HOMER2: variants seen among roughly 807,000 people sequenced by gnomAD.
HOMER2 encodes homer protein homolog 2.
Under a neutral mutation model 47.0 loss-of-function variants are expected in HOMER2, and 27 were observed. That is an observed-to-expected ratio of 0.57 (90% CI 0.42 to 0.79). The LOEUF (loss-of-function observed/expected upper bound fraction) is 0.79, where lower values mean the gene tolerates loss of function less well. Ranked by LOEUF, HOMER2 falls within the 30% of genes least tolerant of loss-of-function variation. HOMER2 has a pLI of 0.00. For missense variants in HOMER2, 443 were observed against 435.0 expected (o/e 1.02, Z -0.16); for synonymous variants, 161 against 163.8 (o/e 0.98, Z 0.13).
chr15:82,954,636 T>C (rs1470338662), upstream of HOMER2, among the ~76,000 whole-genome samples: 4 of 151,872 alleles, frequency 2.6e-5, no homozygotes, highest in African/African-American at 9.7e-5. Context: ...AAATATATTT[T>C]ACACTACAAC....
rs115093120 is a variant in HOMER2 at position 82,892,770 on chromosome 15, G to A, written c.77C>T (p.Pro26Leu). 60 of 1,607,214 alleles carry A rather than the reference G, an allele frequency of 3.7e-5. No individual in the cohort carries two copies. In the African/African-American group the frequency reaches 6.5e-4, roughly 18 times the overall value. The change falls in exon 2 of 9, where the codon CCT becomes CTT. Residue 26 changes from proline to leucine, a missense_variant. Physicochemically the swap from Pro to Leu is moderately conservative, Grantham distance 98. Coordinates refer to ENST00000450735, the MANE Select transcript of HOMER2 (RefSeq NM_004839.4). ...IDPNTKKNWM[P>L]ASKQAVTVSY... is the part of the protein sequence containing the mutation. The stretch of plus-strand genomic sequence containing the variant: ...AACGGTGACCGCCTGCTTGCTCGCA[G>A]GCATCCAGTTCTTCTTGGTGTTGGG...
At chr15:82,955,803 C>A (rs2054582159), upstream of HOMER2, among the ~76,000 whole-genome samples, 1 of 152,154 alleles carries the variant, frequency 6.6e-6, no homozygotes, top group Non-Finnish European at 1.5e-5. Flanking sequence ...AACAGACGTC[C>A]TTCTGTCATA....
At chr15:82,874,874 T>TAA (rs746787123) in intron 3 of HOMER2, among the ~76,000 whole-genome samples, 1 of 152,186 alleles carries the variant, frequency 6.6e-6, no homozygotes, top group Non-Finnish European at 1.5e-5. Flanking sequence ...AACCCTCCGA[T>TAA]AACTGTGCCC....
At chr15:82,837,696 A>C (rs1446422747) in exon 2 of HOMER2, 1 of 152,052 alleles carries the variant, frequency 6.6e-6, no homozygotes, top group African/African-American at 2.4e-5. Flanking sequence ...TGCCTATGAG[A>C]GCTCTGCCTT....
intron 1 of HOMER2, among the ~76,000 whole-genome samples, chr15:82,918,179 A>G (rs1350925989): frequency 3.3e-5 from 5 of 151,964 alleles, no homozygotes; most frequent in African/African-American, 4.8e-5. Context: ...CTAACGCTTG[A>G]CCCTAGGGAC....
chr15:82,953,659 G>A (rs2054551979), upstream of HOMER2, among the ~76,000 whole-genome samples: 1 of 152,172 alleles, frequency 6.6e-6, no homozygotes, highest in Non-Finnish European at 1.5e-5. Flanking sequence ...GAATCACGAG[G>A]TCTGGAGATC....
intron 6 of HOMER2, chr15:82,852,663 G>A (rs543969774): frequency 4.9e-5 from 8 of 163,082 alleles, no homozygotes; most frequent in Admixed American, 6.3e-5. Flanking sequence ...CTGTAATCAC[G>A]TCCTGCATTA....
At chr15:82,855,491 A>G (rs1040397217) in intron 5 of HOMER2, among the ~76,000 whole-genome samples, 4 of 152,132 alleles carry the variant, frequency 2.6e-5, no homozygotes, top group Admixed American at 2.0e-4. Flanking sequence ...ACCTTCAAGA[A>G]TCGTATGAAA....
chr15:82,950,407 C>A (rs1027095062), intron 1 of HOMER2, among the ~76,000 whole-genome samples: 1 of 152,066 alleles, frequency 6.6e-6, no homozygotes, highest in Non-Finnish European at 1.5e-5. Context: ...GTCTACACAG[C>A]AGAGCCATGA....
At chr15:82,850,211 C>T (rs1245607079) in intron 8 of HOMER2, among the ~76,000 whole-genome samples, 1 of 152,254 alleles carries the variant, frequency 6.6e-6, no homozygotes, top group Admixed American at 6.5e-5. Context: ...AGACCTCACA[C>T]AGGGCCCAGC....
At chr15:82,879,586 T>A (rs770060805) in intron 2 of HOMER2, among the ~76,000 whole-genome samples, 1 of 152,224 alleles carries the variant, frequency 6.6e-6, no homozygotes, top group South Asian at 2.1e-4. Flanking sequence ...ACCTTAATTT[T>A]AAAATATTTT....
In HOMER2 at chr15:82,854,669, T is replaced by C. The variant is rs2051508250; in HGVS notation, c.626A>G (p.Asp209Gly). 1 of 1,612,904 alleles carries C rather than the reference T, an allele frequency of 6.2e-7. No individual in the cohort carries two copies. Among genetic ancestry groups the C allele is most frequent in the African/African-American group, 1.3e-5 (1 of 74,926 alleles). ...CTTGTTGCGGAGCCGGTCATTCTCA[T>C]CACGGCAGATGGAGAACTGCCTCTT... ...QWKRQFSICR[D>G]ENDRLRNKID... is the part of the protein sequence containing the mutation. Residue 209 changes from aspartate (D) to glycine (G), a missense_variant, in exon 6 of 9, where the codon GAT becomes GGT. Coordinates refer to ENST00000450735, the MANE Select transcript of HOMER2 (RefSeq NM_004839.4).
chr15:82,972,689 AAAAG>A (rs1039639286), intron 1 of HOMER2, among the ~76,000 whole-genome samples: 5 of 152,220 alleles, frequency 3.3e-5, no homozygotes, highest in African/African-American at 4.8e-5. Flanking sequence ...CCTTAAAAAA[AAAAG>A]AAAGAAAGAA....
intron 2 of HOMER2, among the ~76,000 whole-genome samples, chr15:82,876,856 G>A (rs753218618): frequency 2.0e-5 from 3 of 152,206 alleles, no homozygotes; most frequent in South Asian, 2.1e-4. Flanking sequence ...GATACAAACC[G>A]TTGCCTTAAC....
Position 82,898,551 on chromosome 15 carries a change from T to C in HOMER2, c.6-5710A>G, listed in dbSNP as rs2053011945. 2.0e-5 allele frequency: 3 copies of C among 152,250 alleles called. No homozygotes were observed. The South Asian group carries it at 6.2e-4, about 32-fold the overall frequency. The allele number at this position is 152,250 out of a possible 1,614,324, so 9.4% of individuals were successfully genotyped here. On this transcript the variant is annotated intron_variant, in intron 1 of 8. Coordinates refer to ENST00000450735, the MANE Select transcript of HOMER2 (RefSeq NM_004839.4). ...ACAATATAACCTACCGTTCCTTGCA[T>C]AGTCTCTTTAGAGCTGAATAAACAC...
intron 1 of HOMER2, chr15:82,898,530 T>C (rs998612515): frequency 6.6e-6 from 1 of 152,202 alleles, no homozygotes; most frequent in South Asian, 2.1e-4. Context: ...AGACAGACAA[T>C]ATAACCTACC....
At chr15:82,872,524 T>A (rs1041899321) in intron 3 of HOMER2, among the ~76,000 whole-genome samples, 2 of 152,244 alleles carry the variant, frequency 1.3e-5, no homozygotes. Context: ...ATTTTCCTTC[T>A]GGTCTTAAAA....
At chr15:82,875,716 C>G (rs988333364) in intron 2 of HOMER2, among the ~76,000 whole-genome samples, 2 of 152,204 alleles carry the variant, frequency 1.3e-5, no homozygotes, top group African/African-American at 4.8e-5. Context: ...ATTTATTTCC[C>G]CAAAGCTGCC....
chr15:82,875,452 CAA>C (rs1243356497), intron 2 of HOMER2, 48 bp from the exon 3 acceptor site: 2 of 1,594,170 alleles, frequency 1.3e-6, no homozygotes, highest in East Asian at 4.5e-5. Context: ...TTGAATGAGA[CAA>C]AGTCATTCCT....
Sources: gnomAD v4.1 joint callset for allele counts (sites outside exome capture counted in the v4.1 genomes callset) on GRCh38, gnomAD v4.1.1 for gene constraint, MANE v1.5 for transcripts, NCBI Gene and HGNC (gene_info 2026-07-23, HGNC 2026-07-21) for gene names.